Variants in RTTN observed in about 807,000 individuals in gnomAD.
The protein encoded by RTTN is rotatin.
In RTTN, 182 loss-of-function variants were observed where a neutral mutation model predicts 269.2. The ratio of observed to expected loss-of-function variants is 0.68; its 90% CI spans 0.60 to 0.76. The LOEUF (loss-of-function observed/expected upper bound fraction) is 0.76, where lower values mean the gene tolerates loss of function less well. RTTN is among the 30% of genes least tolerant of loss of function. The pLI is 0.00. For missense variants in RTTN, 2,545 were observed against 2,608.6 expected (o/e 0.98, Z 0.53); for synonymous variants, 1,006 against 963.5 (o/e 1.04, Z -0.82).
At chr18:70,190,827 T>C (rs1184534158) in intron 8 of RTTN, 108 bp from the exon 9 acceptor site, 2 of 662,574 alleles carry the variant, frequency 3.0e-6, no homozygotes, top group Admixed American at 5.1e-5. Context: ...GTCACAACTC[T>C]ACTGCTTCAT....
intron 28 of RTTN, among the ~76,000 whole-genome samples, chr18:70,109,114 T>C (rs2059395576): frequency 6.6e-6 from 1 of 152,222 alleles, no homozygotes; most frequent in Non-Finnish European, 1.5e-5. Flanking sequence ...TTTAACATTG[T>C]ACAGCCTGAG....
At chr18:70,086,185 T>C (rs2058694099) in intron 32 of RTTN, among the ~76,000 whole-genome samples, 1 of 152,154 alleles carries the variant, frequency 6.6e-6, no homozygotes, top group South Asian at 2.1e-4. Context: ...ATTAGAGAAG[T>C]AATACAGCAA....
At chr18:70,037,035 G>C (rs991802883) in intron 40 of RTTN, among the ~76,000 whole-genome samples, 3 of 152,226 alleles carry the variant, frequency 2.0e-5, no homozygotes, top group African/African-American at 7.2e-5. Context: ...CTCTGTCACA[G>C]TGGAGAGCAA....
At chr18:70,135,772 T>C (rs2145681702) in intron 21 of RTTN, among the ~76,000 whole-genome samples, 1 of 152,292 alleles carries the variant, frequency 6.6e-6, no homozygotes, top group Non-Finnish European at 1.5e-5. Flanking sequence ...GCTGTGTCAT[T>C]GTTTTGGTTC....
chr18:70,093,332 T>A (rs992529265), intron 28 of RTTN, among the ~76,000 whole-genome samples: 7 of 152,060 alleles, frequency 4.6e-5, no homozygotes, highest in African/African-American at 1.4e-4. Flanking sequence ...ATAATATTTT[T>A]AAAAATGTTA....
At chr18:70,135,124 A>C in intron 22 of RTTN, 60 bp downstream of exon 22, 1 of 941,668 alleles carries the variant, frequency 1.1e-6, no homozygotes, top group Non-Finnish European at 1.6e-6. Flanking sequence ...CTATAAGATT[A>C]CATCAGATAC....
At chr18:70,151,990 T>C (rs1234109359) in intron 14 of RTTN, among the ~76,000 whole-genome samples, 2 of 152,178 alleles carry the variant, frequency 1.3e-5, no homozygotes, top group Non-Finnish European at 2.9e-5. Context: ...CTTAGGTTCC[T>C]ACCATTCCAC....
At chr18:70,077,318 A>G (rs2058453485) in intron 32 of RTTN, among the ~76,000 whole-genome samples, 1 of 151,974 alleles carries the variant, frequency 6.6e-6, no homozygotes, top group African/African-American at 2.4e-5. Context: ...AAAATTCACA[A>G]ACCTTTAATG....
chr18:70,151,138 T>C (rs1285427180), intron 14 of RTTN, among the ~76,000 whole-genome samples: 2 of 148,186 alleles, frequency 1.3e-5, no homozygotes, highest in Non-Finnish European at 3.0e-5. Context: ...GACATAACTT[T>C]ATATACTATA....
At chr18:70,125,306 T>C (rs2059837438) in intron 25 of RTTN, among the ~76,000 whole-genome samples, 1 of 152,042 alleles carries the variant, frequency 6.6e-6, no homozygotes, top group South Asian at 2.1e-4. Flanking sequence ...TTTGCTAATA[T>C]CATTTTTTAG....
intron 29 of RTTN, 69 bp downstream of exon 29, chr18:70,092,607 A>C (rs2058880475): frequency 1.3e-6 from 2 of 1,533,004 alleles, no homozygotes; most frequent in South Asian, 2.5e-5. Context: ...ATATGCTTGA[A>C]ATGTGTTGGA....
intron 14 of RTTN, among the ~76,000 whole-genome samples, chr18:70,151,263 A>G (rs1462189962): frequency 6.7e-6 from 1 of 149,328 alleles, no homozygotes; most frequent in East Asian, 1.9e-4. Context: ...TGATATATAT[A>G]TGATTATATA....
rs2058118700 is a variant in RTTN at position 70,065,854 on chromosome 18, G to C, written c.4722C>G (p.Ala1574=). The C allele has an allele frequency of 5.6e-6, 9 of 1,600,554 alleles. No individual in the cohort carries two copies. Among genetic ancestry groups the C allele is most frequent in the Non-Finnish European group, 7.7e-6 (9 of 1,172,444 alleles). ...CTTGAGCCACAAACTGGTCATGGGA[G>C]GCTTCAGGTAGAAGTGTTGTTGACT... ...LVQSTTLLPE[A]SHDQFVAQGH... is the part of the protein sequence containing the mutation. Residue 1574 remains alanine (A), a synonymous_variant, in exon 35 of 49, where the codon GCC becomes GCG. Coordinates refer to ENST00000640769, the MANE Select transcript of RTTN (RefSeq NM_173630.4).
intron 37 of RTTN, among the ~76,000 whole-genome samples, chr18:70,054,852 A>AG (rs2057771894): frequency 6.6e-6 from 1 of 152,086 alleles, no homozygotes; most frequent in Admixed American, 6.6e-5. Flanking sequence ...TTTTTCAAGT[A>AG]GTCAAATTAT....
intron 6 of RTTN, among the ~76,000 whole-genome samples, chr18:70,197,239 C>T (rs1214573265): frequency 3.3e-5 from 5 of 152,178 alleles, no homozygotes; most frequent in African/African-American, 7.2e-5. Context: ...AATCCATCTG[C>T]GTTACTCACC....
At chr18:70,040,128 C>T (rs2057296958) in intron 40 of RTTN, among the ~76,000 whole-genome samples, 1 of 152,128 alleles carries the variant, frequency 6.6e-6, no homozygotes, top group Non-Finnish European at 1.5e-5. Context: ...TCAATAACAA[C>T]ATTCAATGTA....
intron 28 of RTTN, among the ~76,000 whole-genome samples, chr18:70,103,770 A>AG (rs2059243295): frequency 6.6e-6 from 1 of 150,914 alleles, no homozygotes; most frequent in Non-Finnish European, 1.5e-5. Flanking sequence ...TTCAAAAAAA[A>AG]AAAAAAAAGC....
At chr18:70,028,128 C>A (rs1437596630) in intron 43 of RTTN, among the ~76,000 whole-genome samples, 3 of 152,064 alleles carry the variant, frequency 2.0e-5, no homozygotes, top group Admixed American at 6.6e-5. Flanking sequence ...ATAGACAAAG[C>A]AAATCAGAGT....
At chr18:70,083,139 C>T (rs1407861724) in intron 32 of RTTN, among the ~76,000 whole-genome samples, 1 of 152,126 alleles carries the variant, frequency 6.6e-6, no homozygotes, top group African/African-American at 2.4e-5. Context: ...TCATATCCAG[C>T]AGGGGCCTGG....
Sources: allele counts gnomAD v4.1 joint callset (sites outside exome capture counted in the v4.1 genomes callset), GRCh38; gene constraint gnomAD v4.1.1; transcripts MANE v1.5; gene names NCBI Gene and HGNC (gene_info 2026-07-23, HGNC 2026-07-21).